ZDHHC14: variants seen among roughly 807,000 people sequenced by gnomAD.
ZDHHC14 encodes the protein palmitoyltransferase ZDHHC14.
A neutral mutation model predicts 47.7 loss-of-function variants in ZDHHC14; 16 were observed. The ratio of observed to expected loss-of-function variants is 0.34; its 90% confidence interval spans 0.23 to 0.51. The LOEUF (loss-of-function observed/expected upper bound fraction) is 0.51. Among genes scored for constraint, ZDHHC14 ranks in the 20% least tolerant of loss-of-function variants. The probability of loss-of-function intolerance (pLI) is 0.97; values close to 1 mark genes in which losing one functional copy is unlikely to be tolerated. For missense variants in ZDHHC14, 515 were observed against 662.5 expected (o/e 0.78, Z 2.44); for synonymous variants, 293 against 278.9 (o/e 1.05, Z -0.50).
chr6:157,645,208 C>A (rs1170695262), intron 5 of ZDHHC14, among the ~76,000 whole-genome samples: 2 of 152,082 alleles, frequency 1.3e-5, no homozygotes, highest in Non-Finnish European at 2.9e-5. Context: ...AGAGGCCGTC[C>A]ACTAAAGCAG....
rs1319786095 is a variant in ZDHHC14, at chr6:157,645,738, G to A, written c.754G>A (p.Val252Ile). The change falls in exon 6 of 9, where the codon GTC becomes ATC. Residue 252 changes from valine (V) to isoleucine (I), a missense_variant and splice_region_variant. Val to Ile is a conservative substitution (Grantham distance 29). Coordinates refer to ENST00000359775, the MANE Select transcript of ZDHHC14 (RefSeq NM_024630.3). ...GCTTGCCTCCTTGACTCGCATCACC[G>A]TCCTGGAGGCTGTGGTGTGCTTCTT... ...LNALKDSPAS[V>I]LEAVVCFFSV... 15 of 1,613,562 alleles carry A rather than the reference G, an allele frequency of 9.3e-6. No individual in the cohort carries two copies. Among genetic ancestry groups the A allele is most frequent in the African/African-American group, 4.0e-5 (3 of 74,894 alleles).
chr6:157,422,108 C>T (rs1778118877), intron 1 of ZDHHC14, among the ~76,000 whole-genome samples: 1 of 152,158 alleles, frequency 6.6e-6, no homozygotes, highest in Non-Finnish European at 1.5e-5. Context: ...CCTTTCCAAC[C>T]GGCTGGACTG....
At chr6:157,600,152 T>C (rs1033265421) in intron 3 of ZDHHC14, among the ~76,000 whole-genome samples, 1 of 152,164 alleles carries the variant, frequency 6.6e-6, no homozygotes, top group African/African-American at 2.4e-5. Flanking sequence ...TTCACCAAAA[T>C]AGTATAACCC....
At chr6:157,507,923 C>T (rs1172540363) in intron 1 of ZDHHC14, among the ~76,000 whole-genome samples, 1 of 152,160 alleles carries the variant, frequency 6.6e-6, no homozygotes, top group Admixed American at 6.5e-5. Flanking sequence ...TTTTAAATAT[C>T]TGAAAATATG....
At chr6:157,466,996 C>T (rs1195912022) in intron 1 of ZDHHC14, among the ~76,000 whole-genome samples, 2 of 152,136 alleles carry the variant, frequency 1.3e-5, no homozygotes, top group Non-Finnish European at 2.9e-5. Context: ...AAGGCTCCTA[C>T]CCTTGTCTAT....
intron 1 of ZDHHC14, among the ~76,000 whole-genome samples, chr6:157,407,730 A>G (rs1271850102): frequency 6.6e-6 from 1 of 152,168 alleles, no homozygotes; most frequent in Non-Finnish European, 1.5e-5. Context: ...CTCGGTGCTT[A>G]TATGTTCATT....
chr6:157,445,679 C>T (rs1419422432), intron 1 of ZDHHC14, among the ~76,000 whole-genome samples: 1 of 152,030 alleles, frequency 6.6e-6, no homozygotes, highest in African/African-American at 2.4e-5. Context: ...ATCTCCTTTC[C>T]GCTTTTCTTA....
rs560995731 is a variant in ZDHHC14, at chr6:157,538,704, A to G, written c.246-3881A>G. On this transcript the variant is annotated intron_variant, in intron 1 of 8. Coordinates refer to ENST00000359775, the MANE Select transcript of ZDHHC14 (RefSeq NM_024630.3). ...AGAAAAACACGGTGGGGGTTCAGAGAAAGAAGCGATCCCTTCTGCTTAGGG... is the reference window on the plus strand; with the variant it reads ...AGAAAAACACGGTGGGGGTTCAGAGGAAGAAGCGATCCCTTCTGCTTAGGG... Among the ~76,000 whole-genome samples, 16 of 152,234 alleles carry G rather than the reference A, an allele frequency of 1.1e-4. No homozygotes were observed. In the South Asian group the frequency reaches 3.3e-3, roughly 32 times the overall value.
At chr6:157,466,636 G>T (rs932703778) in intron 1 of ZDHHC14, among the ~76,000 whole-genome samples, 19 of 152,072 alleles carry the variant, frequency 1.2e-4, no homozygotes, top group African/African-American at 4.6e-4. Flanking sequence ...CCAGGAGTTC[G>T]ACACTAGCCT....
intron 1 of ZDHHC14, among the ~76,000 whole-genome samples, chr6:157,419,480 C>T (rs547869733): frequency 2.0e-5 from 3 of 152,294 alleles, no homozygotes; most frequent in Admixed American, 6.5e-5. Context: ...ATCCTCTGCC[C>T]GAAGTCTGGC....
chr6:157,480,492 C>G (rs1426680175), intron 1 of ZDHHC14, among the ~76,000 whole-genome samples: 1 of 152,132 alleles, frequency 6.6e-6, no homozygotes, highest in Non-Finnish European at 1.5e-5. Context: ...GTCTTGAACT[C>G]CTGACCTCAA....
chr6:157,579,693 G>A (rs1783446607), intron 2 of ZDHHC14, among the ~76,000 whole-genome samples: 1 of 152,182 alleles, frequency 6.6e-6, no homozygotes, highest in East Asian at 1.9e-4. Context: ...TGGTTTGGAT[G>A]TTGTTGGTGT....
At chr6:157,658,078 G>A (rs1197072869) in intron 8 of ZDHHC14, among the ~76,000 whole-genome samples, 3 of 152,174 alleles carry the variant, frequency 2.0e-5, no homozygotes, top group East Asian at 1.9e-4. Context: ...TTAAGTGTCG[G>A]CTATTATTAT....
At chr6:157,645,928 T>C (rs2114981198) in intron 6 of ZDHHC14, 89 bp downstream of exon 6, 1 of 1,144,762 alleles carries the variant, frequency 8.7e-7, no homozygotes, top group Non-Finnish European at 1.3e-6. Context: ...AGCCCAGCTT[T>C]TCCCATACAT....
chr6:157,546,450 T>C (rs1463690168), intron 2 of ZDHHC14, among the ~76,000 whole-genome samples: 10 of 152,182 alleles, frequency 6.6e-5, no homozygotes, highest in African/African-American at 2.2e-4. Context: ...TTTAAACAGC[T>C]TTCCCCTGTC....
chr6:157,461,968 TA>T (rs869155137), intron 1 of ZDHHC14, among the ~76,000 whole-genome samples: 1 of 152,168 alleles, frequency 6.6e-6, no homozygotes, highest in South Asian at 2.1e-4. Context: ...TCATGCTTTG[TA>T]AAAAAATTTT....
intron 1 of ZDHHC14, among the ~76,000 whole-genome samples, chr6:157,417,174 G>T (rs1190455605): frequency 6.6e-6 from 1 of 151,602 alleles, no homozygotes; most frequent in African/African-American, 2.4e-5. Context: ...TATCTATGTG[G>T]GTGTACGGGT....
At position 157,645,732 on chromosome 6, in the gene ZDHHC14, A is replaced by G. The variant is rs747502672; in HGVS notation, c.753-5A>G. 2 of 1,613,332 alleles carry G rather than the reference A, an allele frequency of 1.2e-6. No homozygotes were observed. Among genetic ancestry groups the G allele is most frequent in the South Asian group, 1.1e-5 (1 of 90,842 alleles). Reference sequence around the variant, plus strand: ...ACTTCCGCTTGCCTCCTTGACTCGCATCACCGTCCTGGAGGCTGTGGTGTG... The same window carrying G: ...ACTTCCGCTTGCCTCCTTGACTCGCGTCACCGTCCTGGAGGCTGTGGTGTG... On this transcript the variant is annotated splice_region_variant and splice_polypyrimidine_tract_variant and intron_variant, in intron 5 of 8. Coordinates refer to ENST00000359775, the MANE Select transcript of ZDHHC14 (RefSeq NM_024630.3).
At chr6:157,542,062 T>G (rs1432885192) in intron 1 of ZDHHC14, among the ~76,000 whole-genome samples, 2 of 152,158 alleles carry the variant, frequency 1.3e-5, no homozygotes, top group East Asian at 3.8e-4. Flanking sequence ...ACATGGAAAA[T>G]TGGTTTCTTG....
Sources: allele counts gnomAD v4.1 joint callset (sites outside exome capture counted in the v4.1 genomes callset), GRCh38; gene constraint gnomAD v4.1.1; transcripts MANE v1.5; gene names NCBI Gene and HGNC (gene_info 2026-07-23, HGNC 2026-07-21).